The following RAB10 variants were observed in gnomAD, a reference collection of about 807,000 sequenced individuals.
RAB10 encodes ras-related protein Rab-10.
A neutral mutation model predicts 25.7 loss-of-function variants in RAB10; 5 were observed. That is an observed-to-expected ratio of 0.19 (90% confidence interval 0.10 to 0.41). The LOEUF (loss-of-function observed/expected upper bound fraction) is 0.41. RAB10 is among the 10% of genes least tolerant of loss of function. RAB10 has a pLI of 1.00. For missense variants in RAB10, 103 were observed against 245.8 expected (o/e 0.42, Z 3.89); for synonymous variants, 89 against 86.4 (o/e 1.03, Z -0.16).
chr2:26,079,645 C>A (rs1487806469), intron 1 of RAB10, among the ~76,000 whole-genome samples: 1 of 152,130 alleles, frequency 6.6e-6, no homozygotes, highest in African/African-American at 2.4e-5. Flanking sequence ...ATCCCTCCTC[C>A]CTTTTCTCCC....
intron 1 of RAB10, among the ~76,000 whole-genome samples, chr2:26,072,092 A>G (rs1019828546): frequency 1.4e-4 from 21 of 152,106 alleles, no homozygotes; most frequent in Admixed American, 2.0e-4. Context: ...AAAAAGACCT[A>G]TTCAGAGTGC....
At chr2:26,101,547 G>A (rs1667339259) in intron 2 of RAB10, 2 of 152,824 alleles carry the variant, frequency 1.3e-5, no homozygotes, top group South Asian at 2.1e-4. Flanking sequence ...GTCATTGATA[G>A]GGGTCATCAG....
chr2:26,045,279 G>A lies in RAB10; in HGVS notation c.127+10544G>A, dbSNP rs562223736. Among the ~76,000 whole-genome samples, 66 of 149,750 alleles carry A rather than the reference G, an allele frequency of 4.4e-4. No homozygotes were observed. The South Asian group carries it at 0.012, about 27-fold the overall frequency. ...TTTTGAGACAGAGTCTCGTTCTGTC[G>A]CCCAGGCTGGAGTGCAGTGGCACAA... On this transcript the variant is annotated intron_variant, in intron 1 of 5. Coordinates refer to ENST00000264710, the MANE Select transcript of RAB10 (RefSeq NM_016131.5).
At chr2:26,047,988 T>A (rs530853308) in intron 1 of RAB10, among the ~76,000 whole-genome samples, 3 of 151,796 alleles carry the variant, frequency 2.0e-5, no homozygotes, top group Non-Finnish European at 4.4e-5. Context: ...GGCCTTGGCC[T>A]CCCAAAGTGT....
chr2:26,054,484 G>A (rs1203260818), intron 1 of RAB10, among the ~76,000 whole-genome samples: 2 of 152,272 alleles, frequency 1.3e-5, no homozygotes, highest in Middle Eastern at 3.4e-3. Flanking sequence ...GCCACCACAC[G>A]TGGCCGGATA....
chr2:26,066,809 G>A (rs1448701723), intron 1 of RAB10, among the ~76,000 whole-genome samples: 2 of 131,564 alleles, frequency 1.5e-5, no homozygotes, highest in African/African-American at 6.1e-5. Flanking sequence ...TTGATACGGA[G>A]TCTCACTCTG....
chr2:26,039,933 G>T (rs1342755349), intron 1 of RAB10, among the ~76,000 whole-genome samples: 1 of 151,908 alleles, frequency 6.6e-6, no homozygotes, highest in Non-Finnish European at 1.5e-5. Context: ...CTCAGATTAG[G>T]CGTATTTCTA....
At chr2:26,082,343 C>A (rs184430355) in intron 1 of RAB10, among the ~76,000 whole-genome samples, 1 of 151,858 alleles carries the variant, frequency 6.6e-6, no homozygotes, top group African/African-American at 2.4e-5. Flanking sequence ...ATCTAATCAG[C>A]GACCAAATCT....
At chr2:26,059,940 T>TA in intron 1 of RAB10, among the ~76,000 whole-genome samples, 1 of 152,296 alleles carries the variant, frequency 6.6e-6, no homozygotes, top group Middle Eastern at 3.4e-3. Flanking sequence ...TTTACCACAA[T>TA]AAAAATATTA....
At chr2:26,062,193 T>C (rs1454766737) in intron 1 of RAB10, among the ~76,000 whole-genome samples, 2 of 152,240 alleles carry the variant, frequency 1.3e-5, no homozygotes, top group African/African-American at 2.4e-5. Flanking sequence ...GTAGTGCCTG[T>C]TAGTTTAAAA....
chr2:26,038,429 C>T lies in RAB10; in HGVS notation c.127+3694C>T, dbSNP rs532916660. Among the ~76,000 whole-genome samples the T allele has an allele frequency of 9.3e-4, 141 of 150,850 alleles. 4 individuals are homozygous for T. In the South Asian group the frequency reaches 0.028, roughly 30 times the overall value. On this transcript the variant is annotated intron_variant, in intron 1 of 5. Transcript: ENST00000264710. ...CAGGCTGCTCTTGAACTCCTGACCT[C>T]AGGTGATCCACCTGCCTCAGCCTCC...
At chr2:26,084,050 A>G (rs1049041597) in intron 1 of RAB10, among the ~76,000 whole-genome samples, 1 of 152,138 alleles carries the variant, frequency 6.6e-6, no homozygotes, top group African/African-American at 2.4e-5. Context: ...CTCTGCTCAA[A>G]ATGCTCCCTG....
chr2:26,073,458 C>G (rs1666670389), intron 1 of RAB10, among the ~76,000 whole-genome samples: 1 of 152,204 alleles, frequency 6.6e-6, no homozygotes, highest in Non-Finnish European at 1.5e-5. Context: ...CCTATGAGCT[C>G]AAGCCACAGC....
At chr2:26,041,501 C>A (rs1574523544) in intron 1 of RAB10, among the ~76,000 whole-genome samples, 2 of 146,460 alleles carry the variant, frequency 1.4e-5, no homozygotes, top group African/African-American at 5.2e-5. Context: ...TGAGCTCGTG[C>A]CACTGCACTC....
intron 1 of RAB10, among the ~76,000 whole-genome samples, chr2:26,089,346 C>G (rs1057068246): frequency 6.6e-6 from 1 of 151,514 alleles, no homozygotes; most frequent in Non-Finnish European, 1.5e-5. Context: ...TTGCTTGAAC[C>G]CAGGAGGTGG....
At chr2:26,045,183 G>T (rs577785745) in intron 1 of RAB10, among the ~76,000 whole-genome samples, 1 of 151,604 alleles carries the variant, frequency 6.6e-6, no homozygotes, top group Non-Finnish European at 1.5e-5. Flanking sequence ...TGGTATTCTC[G>T]TTTTGTTTGC....
At chr2:26,099,501 G>C (rs1667296148) in intron 2 of RAB10, among the ~76,000 whole-genome samples, 1 of 139,722 alleles carries the variant, frequency 7.2e-6, no homozygotes, top group South Asian at 2.3e-4. Flanking sequence ...TGTGCTTTCT[G>C]TCACTGTATT....
intron 1 of RAB10, among the ~76,000 whole-genome samples, chr2:26,056,040 A>C (rs897740672): frequency 6.6e-6 from 1 of 151,642 alleles, no homozygotes; most frequent in Non-Finnish European, 1.5e-5. Context: ...GATGACAGGC[A>C]CACACCACCA....
chr2:26,061,600 A>G (rs921852281), intron 1 of RAB10, among the ~76,000 whole-genome samples: 3 of 152,058 alleles, frequency 2.0e-5, no homozygotes, highest in African/African-American at 7.2e-5. Flanking sequence ...TAGGTTTCCC[A>G]GGCTGGTCTC....
Sources: gnomAD v4.1 joint callset for allele counts (sites outside exome capture counted in the v4.1 genomes callset) on GRCh38, gnomAD v4.1.1 for gene constraint, MANE v1.5 for transcripts, NCBI Gene and HGNC (gene_info 2026-07-23, HGNC 2026-07-21) for gene names.